The following ZNF541 variants were observed in gnomAD, a reference collection of about 807,000 sequenced individuals.
ZNF541 encodes zinc finger protein 541.
Under a neutral mutation model 123.5 loss-of-function variants are expected in ZNF541, and 23 were observed. The ratio of observed to expected loss-of-function variants is 0.19; its 90% CI spans 0.13 to 0.26. The LOEUF (loss-of-function observed/expected upper bound fraction) is 0.26. ZNF541 is among the 10% of genes least tolerant of loss of function. The pLI is 1.00. For synonymous variants in ZNF541, 751 were observed against 754.5 expected (o/e 1.00, Z 0.08); for missense variants, 1,612 against 1,789.9 (o/e 0.90, Z 1.79).
chr19:47,533,763 C>T (rs1470587307), intron 9 of ZNF541, among the ~76,000 whole-genome samples: 2 of 151,890 alleles, frequency 1.3e-5, no homozygotes, highest in Non-Finnish European at 2.9e-5. Context: ...ATCACTTGAA[C>T]CTGGGAGGCA....
chr19:47,522,746 T>C (rs1969096473), intron 14 of ZNF541, among the ~76,000 whole-genome samples: 1 of 31,262 alleles, frequency 3.2e-5, no homozygotes, highest in African/African-American at 2.1e-4. Context: ...CAGTGAGCCT[T>C]TTTTTTTTTT....
At chr19:47,540,475 T>C in intron 6 of ZNF541, 140 bp from the exon 7 acceptor site, 1 of 914,440 alleles carries the variant, frequency 1.1e-6, no homozygotes, top group Admixed American at 3.1e-5. Context: ...AGTCTCACTC[T>C]GTTGCCCAGA....
intron 2 of ZNF541, among the ~76,000 whole-genome samples, chr19:47,563,895 C>T (rs570728618): frequency 1.3e-5 from 2 of 152,098 alleles, no homozygotes; most frequent in African/African-American, 4.8e-5. Flanking sequence ...CATAAGCCCC[C>T]GCGCCTGGCC....
intron 2 of ZNF541, among the ~76,000 whole-genome samples, chr19:47,569,505 T>C (rs2123436555): frequency 6.6e-6 from 1 of 152,238 alleles, no homozygotes; most frequent in South Asian, 2.1e-4. Flanking sequence ...TATGCTTTTA[T>C]CACACACTTG....
In ZNF541 at chr19:47,544,917, A is replaced by G. The variant is rs1264555298; in HGVS notation, c.1612T>C (p.Phe538Leu). The change falls in exon 5 of 17, where the codon TTC (phenylalanine) becomes CTC (leucine). Residue 538 changes from phenylalanine to leucine, a missense_variant. Around this residue, in one of 5 missense-constraint regions of ZNF541, gnomAD observed 1,080 missense variants for 1,013.8 expected, o/e 1.07. Transcript: ENST00000391901. The stretch of plus-strand genomic sequence containing the variant: ...TGCGACTTGAGGAAGAGCTGGCGGA[A>G]GAGCGGCGAGGCATCCGCAGGGAGC... ...GGLPADASPL[F>L]RQLFLKSQEP... 19 of 1,535,802 alleles carry G rather than the reference A, an allele frequency of 1.2e-5. No homozygotes were observed. Among genetic ancestry groups the G allele is most frequent in the Admixed American group, 3.9e-5 (2 of 50,986 alleles).
chr19:47,561,051 T>G (rs1413508767), intron 2 of ZNF541, among the ~76,000 whole-genome samples: 2 of 152,120 alleles, frequency 1.3e-5, no homozygotes, highest in Non-Finnish European at 2.9e-5. Context: ...GGCAAAACTA[T>G]AGAGACAATA....
intron 14 of ZNF541, among the ~76,000 whole-genome samples, chr19:47,523,089 C>CT (rs886403433): frequency 3.0e-4 from 43 of 143,026 alleles, no homozygotes; most frequent in Admixed American, 4.2e-4. Context: ...GAGCGAGTAT[C>CT]TTTTTTTTTT....
chr19:47,558,845 C>T (rs1568517454), intron 2 of ZNF541, among the ~76,000 whole-genome samples: 3 of 151,622 alleles, frequency 2.0e-5, no homozygotes, highest in South Asian at 2.1e-4. Flanking sequence ...CCCAGGTTCA[C>T]GCCATTCTCC....
In ZNF541 at chr19:47,520,981, G is replaced by C. The variant is rs1968997417; in HGVS notation, c.*243C>G. 1 of 501,700 alleles carries C rather than the reference G, an allele frequency of 2.0e-6. No individual in the cohort carries two copies. The highest frequency in any genetic ancestry group is 3.6e-6 in the Non-Finnish European group (1 of 281,322). 31.1% of individuals were successfully genotyped at this position (501,700 alleles called of 1,614,324 possible). A position where few individuals can be genotyped will look rare whatever the true frequency, so the allele number is the denominator to read the frequency against. ...TCTAGAAGTGGAAGGGAAAGAAGGGGAGAGACTATGAACCTAAGGAGAGTG... is the reference window on the plus strand; with the variant it reads ...TCTAGAAGTGGAAGGGAAAGAAGGGCAGAGACTATGAACCTAAGGAGAGTG... On this transcript the variant is annotated 3_prime_UTR_variant, in exon 17 of 17. Transcript: ENST00000391901.
chr19:47,560,520 G>A (rs1452216374), intron 2 of ZNF541, among the ~76,000 whole-genome samples: 4 of 148,052 alleles, frequency 2.7e-5, no homozygotes, highest in Non-Finnish European at 5.9e-5. Context: ...AGGTTGCAAT[G>A]AGCCAAGATT....
chr19:47,544,541 G>C lies in ZNF541; in HGVS notation c.1988C>G (p.Pro663Arg). Residue 663 changes from proline (P) to arginine (R), a missense_variant, in exon 5 of 17, where the codon CCG becomes CGG. This residue lies in a region of ZNF541 where 1,080 missense variants were observed against 1,013.8 expected (regional missense o/e 1.07). Coordinates refer to ENST00000391901, the MANE Select transcript of ZNF541 (RefSeq NM_001277075.3). Reference protein sequence around the residue: ...VAAVPTPLAAPSLDPSRNPDI... With the variant: ...VAAVPTPLAARSLDPSRNPDI... ...TGGATTCCTGGAAGGGTCCAGAGAC[G>C]GTGCTGCAAGGGGCGTTGGAACCGC... The C allele has an allele frequency of 6.4e-7, 1 of 1,551,574 alleles. No individual in the cohort carries two copies. Among genetic ancestry groups the C allele is most frequent in the Non-Finnish European group, 8.7e-7 (1 of 1,146,972 alleles).
Position 47,572,050 on chromosome 19 carries a change from C to A in ZNF541, c.-245-8G>T, listed in dbSNP as rs1443144823. 5.3e-5 allele frequency among the ~76,000 whole-genome samples: 8 copies of A among 152,150 alleles called. No individual in the cohort carries two copies. The highest frequency in any genetic ancestry group is 2.9e-5 in the Non-Finnish European group (2 of 68,028). The stretch of plus-strand genomic sequence containing the variant: ...CTCCCAATTTCTTTTGCCCTGAAAG[C>A]AGGTGGTGGGAAGGAAGAAGCAGTC... On this transcript the variant is annotated splice_region_variant and splice_polypyrimidine_tract_variant and intron_variant, in intron 1 of 16. Transcript: ENST00000391901.
intron 14 of ZNF541, among the ~76,000 whole-genome samples, chr19:47,528,008 T>C (rs980648902): frequency 9.6e-5 from 14 of 146,060 alleles, no homozygotes; most frequent in Non-Finnish European, 2.0e-4. Context: ...CCTTTTTTTT[T>C]TTTTTTTTTT....
chr19:47,539,766 A>T lies in ZNF541; in HGVS notation c.2735T>A (p.Leu912Ter). The T allele has an allele frequency of 6.8e-7, 1 of 1,472,136 alleles. No homozygotes were observed. The highest frequency in any genetic ancestry group is 8.9e-7 in the Non-Finnish European group (1 of 1,118,866). 91.2% of individuals were successfully genotyped at this position (1,472,136 alleles called of 1,614,324 possible). Residue 912 changes from leucine (L) to a stop codon, truncating the protein, a stop_gained, in exon 8 of 17, where the codon TTG (leucine) becomes TAG (stop). Coordinates refer to ENST00000391901, the MANE Select transcript of ZNF541 (RefSeq NM_001277075.3). LOFTEE classifies it high-confidence loss of function. ...KPLDPTAAAP[L>*]VVPQSIPVVP... The stretch of plus-strand genomic sequence containing the variant: ...CACGGGGATCGATTGGGGGACCACC[A>T]AAGGGGCTGCAGCTGTGGGGTCCAA...
intron 14 of ZNF541, among the ~76,000 whole-genome samples, chr19:47,524,600 C>T (rs866187223): frequency 6.6e-6 from 1 of 151,368 alleles, no homozygotes; most frequent in Non-Finnish European, 1.5e-5. Context: ...CCCAGCTACT[C>T]AGGAGGCTGA....
chr19:47,529,539 A>G (rs767948689), intron 13 of ZNF541, 38 bp downstream of exon 13: 129 of 1,548,976 alleles, frequency 8.3e-5, no homozygotes, highest in Non-Finnish European at 1.1e-4. Flanking sequence ...TAGGGGTCTC[A>G]GCTGGGCCAA....
intron 2 of ZNF541, among the ~76,000 whole-genome samples, chr19:47,557,400 A>G (rs1970867465): frequency 6.6e-6 from 1 of 152,224 alleles, no homozygotes; most frequent in East Asian, 1.9e-4. Flanking sequence ...GACAAAGCTG[A>G]GCATTCTACA....
intron 8 of ZNF541, 38 bp downstream of exon 8, chr19:47,539,667 G>A: frequency 7.3e-7 from 1 of 1,377,116 alleles, no homozygotes; most frequent in Non-Finnish European, 9.4e-7. Context: ...AGCAGCTGCG[G>A]GCAGTGGCAG....
At position 47,520,964 on chromosome 19, in the gene ZNF541, T is replaced by C. The variant is rs191475504; in HGVS notation, c.*260A>G. 148 of 443,544 alleles carry C rather than the reference T, an allele frequency of 3.3e-4. 1 individual carries two copies. The Admixed American group carries it at 5.0e-3, about 15-fold the overall frequency. The allele number at this position is 443,544 out of a possible 1,614,324, so 27.5% of individuals were successfully genotyped here. A position where few individuals can be genotyped will look rare whatever the true frequency, so the allele number is the denominator to read the frequency against. On this transcript the variant is annotated 3_prime_UTR_variant, in exon 17 of 17. Transcript: ENST00000391901. ...TCCCCAAGCCTCCCTGCTCTAGAAG[T>C]GGAAGGGAAAGAAGGGGAGAGACTA...
Sources: allele counts gnomAD v4.1 joint callset (sites outside exome capture counted in the v4.1 genomes callset), GRCh38; gene constraint gnomAD v4.1.1; regional missense constraint gnomAD v4.1.1; transcripts MANE v1.5; gene names NCBI Gene and HGNC (gene_info 2026-07-23, HGNC 2026-07-21).